PRKCB: variants seen among roughly 807,000 people sequenced by gnomAD.
The protein encoded by PRKCB is protein kinase C beta type.
PRKCB carries 13 observed loss-of-function variants against 81.5 expected under a neutral mutation model. That is an observed-to-expected ratio of 0.16 (90% CI 0.10 to 0.25). The LOEUF (loss-of-function observed/expected upper bound fraction) is 0.25. PRKCB is among the 10% of genes least tolerant of loss of function. The pLI, the probability that PRKCB is intolerant of heterozygous loss-of-function variation, is 1.00. For missense variants in PRKCB, 509 were observed against 875.7 expected, an observed-to-expected ratio of 0.58 and a Z score of 5.29; for synonymous variants, 335 against 321.4, an observed-to-expected ratio of 1.04 and a Z score of -0.45.
intron 15 of PRKCB, among the ~76,000 whole-genome samples, chr16:24,187,149 T>C (rs925467006): frequency 2.0e-5 from 3 of 152,242 alleles, no homozygotes; most frequent in African/African-American, 7.2e-5. Flanking sequence ...CAGAGATTTC[T>C]CAAAAACATT....
At chr16:24,000,144 G>C (rs1194389734) in intron 3 of PRKCB, among the ~76,000 whole-genome samples, 1 of 152,176 alleles carries the variant, frequency 6.6e-6, no homozygotes, top group African/African-American at 2.4e-5. Context: ...ATAGATTCCA[G>C]TGCCTCATTG....
chr16:24,063,365 G>T (rs1205498394), intron 5 of PRKCB, among the ~76,000 whole-genome samples: 1 of 151,492 alleles, frequency 6.6e-6, no homozygotes, highest in Non-Finnish European at 1.5e-5. Flanking sequence ...CATGATCTTG[G>T]CTCTCTACAA....
At chr16:23,988,030 G>T (rs1964824946) in intron 2 of PRKCB, among the ~76,000 whole-genome samples, 1 of 152,006 alleles carries the variant, frequency 6.6e-6, no homozygotes, top group Admixed American at 6.5e-5. Flanking sequence ...GGTGAGATGG[G>T]GCATGAGTCC....
intron 7 of PRKCB, among the ~76,000 whole-genome samples, chr16:24,094,604 A>G (rs1966416688): frequency 6.6e-6 from 1 of 152,098 alleles, no homozygotes; most frequent in Admixed American, 6.6e-5. Context: ...CATCTCTATC[A>G]AAAACATGAA....
chr16:24,117,229 T>G (rs938170569), intron 8 of PRKCB, among the ~76,000 whole-genome samples: 5 of 152,190 alleles, frequency 3.3e-5, no homozygotes, highest in African/African-American at 1.2e-4. Context: ...CTGGAGGAAT[T>G]CTGAGTGACA....
chr16:24,146,997 C>T (rs1209491443), intron 9 of PRKCB, among the ~76,000 whole-genome samples: 8 of 152,142 alleles, frequency 5.3e-5, no homozygotes, highest in Non-Finnish European at 8.8e-5. Flanking sequence ...CTGCTCTTTT[C>T]CTCTCCCATG....
intron 10 of PRKCB, among the ~76,000 whole-genome samples, chr16:24,155,359 G>A (rs1967141029): frequency 6.6e-6 from 1 of 152,200 alleles, no homozygotes; most frequent in African/African-American, 2.4e-5. Context: ...CAGAGCCATG[G>A]CTGCCAAGGT....
intron 5 of PRKCB, among the ~76,000 whole-genome samples, chr16:24,068,938 C>T (rs991457484): frequency 1.3e-5 from 2 of 152,010 alleles, no homozygotes; most frequent in African/African-American, 2.4e-5. Flanking sequence ...ATGGAGACAG[C>T]GATATAAAAT....
At chr16:23,926,462 C>T (rs982214645) in intron 2 of PRKCB, among the ~76,000 whole-genome samples, 24 of 80,356 alleles carry the variant, frequency 3.0e-4, no homozygotes, top group African/African-American at 9.5e-4. Context: ...CCAGCCTGGG[C>T]GACAGAGTGA....
At chr16:24,192,705 G>A (rs997936972) in intron 16 of PRKCB, among the ~76,000 whole-genome samples, 6 of 152,174 alleles carry the variant, frequency 3.9e-5, no homozygotes, top group African/African-American at 1.4e-4. Context: ...TCAGTATGCA[G>A]TATCAGTATG....
At chr16:23,986,373 C>A (rs1964804343) in intron 2 of PRKCB, among the ~76,000 whole-genome samples, 1 of 152,016 alleles carries the variant, frequency 6.6e-6, no homozygotes, top group Admixed American at 6.6e-5. Flanking sequence ...CCCACCTCAG[C>A]CTCCGGAGTA....
chr16:24,207,794 G>C (rs1045413974), intron 16 of PRKCB, among the ~76,000 whole-genome samples: 2 of 152,226 alleles, frequency 1.3e-5, no homozygotes, highest in African/African-American at 2.4e-5. Flanking sequence ...TCTGGAGACA[G>C]AAAGGATGCA....
chr16:24,109,373 GC>G (rs1462268291), intron 7 of PRKCB, among the ~76,000 whole-genome samples: 2 of 106,364 alleles, frequency 1.9e-5, no homozygotes, highest in African/African-American at 8.7e-5. Flanking sequence ...AGGCGGAGGG[GC>G]TCCTCACTTC....
At chr16:24,004,927 A>G (rs1288905382) in intron 3 of PRKCB, among the ~76,000 whole-genome samples, 2 of 152,220 alleles carry the variant, frequency 1.3e-5, no homozygotes, top group African/African-American at 4.8e-5. Flanking sequence ...TATTTATAAT[A>G]TCAAAAATTT....
At chr16:24,185,665 G>A (rs1389930712) in intron 15 of PRKCB, 98 bp downstream of exon 15, 2 of 961,060 alleles carry the variant, frequency 2.1e-6, no homozygotes, top group East Asian at 2.4e-5. Flanking sequence ...AACACAGCCT[G>A]AACTCCACCC....
chr16:24,175,837 TG>T (rs1208197339), intron 12 of PRKCB, among the ~76,000 whole-genome samples: 1 of 151,860 alleles, frequency 6.6e-6, no homozygotes, highest in Non-Finnish European at 1.5e-5. Flanking sequence ...CCAGGTGTGA[TG>T]GTGCATACCT....
At chr16:24,154,516 GTCTGAAAA>G (rs1381405647) in intron 9 of PRKCB, among the ~76,000 whole-genome samples, 160 bp from the exon 10 acceptor site, 5 of 152,090 alleles carry the variant, frequency 3.3e-5, no homozygotes, top group African/African-American at 1.2e-4. Flanking sequence ...AAGACCCTGT[GTCTGAAAA>G]TATAAAAGTG....
In PRKCB at chr16:24,220,339, C is replaced by A; in HGVS notation, c.*5523C>A. 1 of 429,634 alleles carries A rather than the reference C, an allele frequency of 2.3e-6. No homozygotes were observed. The highest frequency in any genetic ancestry group is 4.0e-6 in the Non-Finnish European group (1 of 251,022). 26.6% of individuals were successfully genotyped at this position (429,634 alleles called of 1,614,324 possible). ...TATCCAATTATAGAGGTACAATTTT[C>A]CAAACTTCCAGAAACTCATCAAATG... On this transcript the variant is annotated 3_prime_UTR_variant, in exon 17 of 17. Coordinates refer to ENST00000643927, the MANE Select transcript of PRKCB (RefSeq NM_002738.7).
intron 2 of PRKCB, among the ~76,000 whole-genome samples, chr16:23,945,633 A>T (rs1964195908): frequency 6.6e-6 from 1 of 152,084 alleles, no homozygotes; most frequent in Non-Finnish European, 1.5e-5. Flanking sequence ...GTGGAATCTC[A>T]GTGGTGGAAA....
Sources: gnomAD v4.1 joint callset for allele counts (sites outside exome capture counted in the v4.1 genomes callset) on GRCh38, gnomAD v4.1.1 for gene constraint, MANE v1.5 for transcripts, NCBI Gene and HGNC (gene_info 2026-07-23, HGNC 2026-07-21) for gene names.